ITGA9: variants seen among roughly 807,000 people sequenced by gnomAD.
The protein encoded by ITGA9 is integrin subunit alpha 9, also known as integrin alpha-9.
Under a neutral mutation model 127.8 loss-of-function variants are expected in ITGA9, and 56 were observed. The observed-to-expected ratio is 0.44, with a 90% CI of 0.35 to 0.55. ITGA9 has a LOEUF of 0.55. Ranked by LOEUF, ITGA9 falls within the 20% of genes least tolerant of loss-of-function variation. ITGA9 has a pLI of 0.00. For synonymous variants in ITGA9, 508 were observed against 514.5 expected, an observed-to-expected ratio of 0.99 and a Z score of 0.17; for missense variants, 1,196 against 1,347.1, an observed-to-expected ratio of 0.89 and a Z score of 1.76.
chr3:37,751,725 T>C (rs1473482186), intron 23 of ITGA9, among the ~76,000 whole-genome samples: 1 of 152,182 alleles, frequency 6.6e-6, no homozygotes, highest in Non-Finnish European at 1.5e-5. Flanking sequence ...ACTGCCTGGC[T>C]ATCGTTCTGG....
At position 37,661,519 on chromosome 3, in the gene ITGA9, T is replaced by G. The variant is rs1700537294; in HGVS notation, c.1916+7729T>G. Among the ~76,000 whole-genome samples the G allele has an allele frequency of 2.0e-5, 3 of 152,376 alleles. No homozygotes were observed. In the South Asian group the frequency reaches 6.2e-4, roughly 32 times the overall value. On this transcript the variant is annotated intron_variant, in intron 17 of 27. Coordinates refer to ENST00000264741, the MANE Select transcript of ITGA9 (RefSeq NM_002207.3). Reference sequence around the variant, plus strand: ...GGGATTTATCCAGACCTTTGGATGTTCACTCTTCAGAGCCAGGGACAATGT... The same window carrying G: ...GGGATTTATCCAGACCTTTGGATGTGCACTCTTCAGAGCCAGGGACAATGT...
At chr3:37,645,256 G>T (rs1700366234) in intron 16 of ITGA9, among the ~76,000 whole-genome samples, 2 of 152,092 alleles carry the variant, frequency 1.3e-5, no homozygotes, top group South Asian at 4.2e-4. Context: ...CTTCTGCTAA[G>T]TCATACCGCA....
rs1022802699 is a variant in ITGA9 at position 37,777,661 on chromosome 3, T to C, written c.2667+144T>C. 7.8e-6 allele frequency: 7 copies of C among 893,844 alleles called. No individual in the cohort carries two copies. In the African/African-American group the frequency reaches 1.2e-4, roughly 15 times the overall value. 55.4% of individuals were successfully genotyped at this position (893,844 alleles called of 1,614,324 possible). The stretch of plus-strand genomic sequence containing the variant: ...CACAGACTGTGGTCAACTCCTAATT[T>C]TCAGTCTGAGGTTTCAATCAAAATG... On this transcript the variant is annotated intron_variant, in intron 24 of 27. Transcript: ENST00000264741.
At chr3:37,759,458 T>A (rs1696696776) in intron 23 of ITGA9, among the ~76,000 whole-genome samples, 1 of 152,014 alleles carries the variant, frequency 6.6e-6, no homozygotes, top group Non-Finnish European at 1.5e-5. Context: ...AGAACTAAAA[T>A]CAGTTTAAAT....
intron 27 of ITGA9, among the ~76,000 whole-genome samples, chr3:37,817,302 T>G (rs1306393685): frequency 6.6e-6 from 1 of 152,234 alleles, no homozygotes; most frequent in Non-Finnish European, 1.5e-5. Flanking sequence ...AATTGCAAGC[T>G]GATGATACCA....
At chr3:37,457,830 G>C (rs982850052) in intron 1 of ITGA9, among the ~76,000 whole-genome samples, 5 of 152,324 alleles carry the variant, frequency 3.3e-5, no homozygotes, top group East Asian at 1.9e-4. Flanking sequence ...AGAGACAGCT[G>C]TCTTGCCCAG....
chr3:37,528,479 C>T (rs988445121), intron 13 of ITGA9, among the ~76,000 whole-genome samples: 8 of 152,152 alleles, frequency 5.3e-5, no homozygotes, highest in Non-Finnish European at 7.3e-5. Flanking sequence ...GAAGAGTGGT[C>T]GGGCCATGAC....
Position 37,526,008 on chromosome 3 carries a change from T to TA in ITGA9, c.1328-15dup. 1 of 1,613,200 alleles carries TA rather than the reference T, an allele frequency of 6.2e-7. No individual in the cohort carries two copies. The highest frequency in any genetic ancestry group is 8.5e-7 in the Non-Finnish European group (1 of 1,179,350). On this transcript the variant is annotated splice_polypyrimidine_tract_variant and intron_variant, in intron 12 of 27. Coordinates refer to ENST00000264741, the MANE Select transcript of ITGA9 (RefSeq NM_002207.3). ...GGCTTCAGCAAGTTTCTGAACGCTGTAAACTTCTCATTTTCAGATGTCACT... is the reference window on the plus strand; with the variant it reads ...GGCTTCAGCAAGTTTCTGAACGCTGTAAAACTTCTCATTTTCAGATGTCACT...
At chr3:37,575,089 G>C (rs958329489) in intron 15 of ITGA9, among the ~76,000 whole-genome samples, 3 of 152,162 alleles carry the variant, frequency 2.0e-5, no homozygotes, top group Non-Finnish European at 2.9e-5. Flanking sequence ...GGTGTCCGTT[G>C]GTGAGCATCT....
At chr3:37,750,354 G>C (rs1261697418) in intron 22 of ITGA9, 108 bp from the exon 23 acceptor site, 4 of 765,478 alleles carry the variant, frequency 5.2e-6, no homozygotes, top group South Asian at 4.3e-5. Context: ...CCGAACCTTA[G>C]AGTTTCTGTA....
chr3:37,503,734 A>T (rs554775082), intron 6 of ITGA9, among the ~76,000 whole-genome samples: 1 of 152,336 alleles, frequency 6.6e-6, no homozygotes, highest in South Asian at 2.1e-4. Context: ...ATCATGACAG[A>T]TGGCAACCTA....
intron 17 of ITGA9, among the ~76,000 whole-genome samples, chr3:37,682,683 C>T (rs1196996104): frequency 6.6e-6 from 1 of 152,182 alleles, no homozygotes; most frequent in Non-Finnish European, 1.5e-5. Flanking sequence ...GCTGAACCTT[C>T]TCAACCCAGT....
At chr3:37,559,274 GCACA>G (rs10569609) in intron 15 of ITGA9, among the ~76,000 whole-genome samples, 12 of 150,754 alleles carry the variant, frequency 8.0e-5, no homozygotes, top group African/African-American at 7.3e-5. Context: ...AACTATGTGA[GCACA>G]CACACACACA....
At chr3:37,741,956 G>A in intron 21 of ITGA9, 137 bp downstream of exon 21, 1 of 734,870 alleles carries the variant, frequency 1.4e-6, no homozygotes, top group South Asian at 1.5e-5. Flanking sequence ...TTGAAAAGCA[G>A]GATGAAGCTT....
At chr3:37,750,300 G>A (rs985193901) in intron 22 of ITGA9, among the ~76,000 whole-genome samples, 162 bp from the exon 23 acceptor site, 2 of 152,208 alleles carry the variant, frequency 1.3e-5, no homozygotes, top group African/African-American at 4.8e-5. Flanking sequence ...GAAATTTCCC[G>A]TCATTCAGTA....
intron 17 of ITGA9, 147 bp from the exon 18 acceptor site, chr3:37,683,718 C>T (rs914854360): frequency 8.8e-6 from 7 of 795,878 alleles, no homozygotes; most frequent in Non-Finnish European, 1.5e-5. Context: ...TAACTGATTG[C>T]CCAAGGACAC....
chr3:37,770,855 C>T (rs1696834039), intron 23 of ITGA9, among the ~76,000 whole-genome samples: 1 of 152,196 alleles, frequency 6.6e-6, no homozygotes, highest in Admixed American at 6.5e-5. Flanking sequence ...GCTCCCACAG[C>T]CAGGGTTCCT....
At chr3:37,701,016 G>A (rs1172104557) in intron 18 of ITGA9, among the ~76,000 whole-genome samples, 1 of 152,178 alleles carries the variant, frequency 6.6e-6, no homozygotes, top group East Asian at 1.9e-4. Flanking sequence ...AAGTCTGTTG[G>A]TGCTGGAACT....
At chr3:37,605,814 G>A (rs913690665) in intron 15 of ITGA9, among the ~76,000 whole-genome samples, 1 of 152,176 alleles carries the variant, frequency 6.6e-6, no homozygotes, top group African/African-American at 2.4e-5. Flanking sequence ...GTCTCTCTAA[G>A]GGAGGGCGGC....
Sources: allele counts gnomAD v4.1 joint callset (sites outside exome capture counted in the v4.1 genomes callset), GRCh38; gene constraint gnomAD v4.1.1; transcripts MANE v1.5; gene names NCBI Gene and HGNC (gene_info 2026-07-23, HGNC 2026-07-21).